Variants in KCNH6 observed in about 807,000 individuals in gnomAD.
The protein encoded by KCNH6 is potassium voltage-gated channel subfamily H member 6.
KCNH6 carries 81 observed loss-of-function variants against 83.4 expected under a neutral mutation model. The observed-to-expected ratio is 0.97, with a 90% CI of 0.81 to 1.17. The LOEUF is 1.17. Ranked by LOEUF, KCNH6 falls within the 50% of genes most tolerant of loss-of-function variation. The probability of loss-of-function intolerance (pLI) is 0.00; values close to 1 mark genes in which losing one functional copy is unlikely to be tolerated. For synonymous variants in KCNH6, 503 were observed against 545.6 expected, an observed-to-expected ratio of 0.92 and a Z score of 1.09; for missense variants, 1,203 against 1,290.5, an observed-to-expected ratio of 0.93 and a Z score of 1.04.
intron 9 of KCNH6, 151 bp downstream of exon 9, chr17:63,542,585 G>C (rs1271597318): frequency 1.5e-6 from 1 of 677,540 alleles, no homozygotes; most frequent in Non-Finnish European, 2.5e-6. Context: ...CTGGCGTCAT[G>C]CTAAGTATGA....
At chr17:63,524,983 A>T (rs2031609815) in intron 2 of KCNH6, among the ~76,000 whole-genome samples, 2 of 151,724 alleles carry the variant, frequency 1.3e-5, no homozygotes, top group African/African-American at 2.4e-5. Context: ...ATCCTCCCCC[A>T]CCCCCCAGGA....
rs776555763 is a variant in KCNH6, at chr17:63,536,015, C to T, written c.1448C>T (p.Ser483Leu). 1.1e-5 allele frequency: 17 copies of T among 1,613,744 alleles called. No individual in the cohort carries two copies. Among genetic ancestry groups the T allele is most frequent in the Non-Finnish European group, 1.4e-5 (17 of 1,180,052 alleles). Reference protein sequence around the residue: ...SLTSVGFGNVSPNTNSEKVFS... With the variant: ...SLTSVGFGNVLPNTNSEKVFS... ...ACCAGCGTGGGCTTCGGCAATGTCT[C>T]GCCCAACACCAACTCCGAGAAGGTC... The change falls in exon 6 of 13, where the codon TCG becomes TTG. Residue 483 changes from serine (S) to leucine (L), a missense_variant. Coordinates refer to ENST00000314672, the MANE Select transcript of KCNH6 (RefSeq NM_001278919.2).
intron 4 of KCNH6, among the ~76,000 whole-genome samples, chr17:63,531,435 C>T (rs2032103826): frequency 6.6e-6 from 1 of 152,246 alleles, no homozygotes; most frequent in Non-Finnish European, 1.5e-5. Flanking sequence ...AGCCAGGGGC[C>T]CAGGCCAAGG....
chr17:63,530,668 A>G (rs1370245342), intron 4 of KCNH6, 126 bp downstream of exon 4: 1 of 820,266 alleles, frequency 1.2e-6, no homozygotes, highest in Non-Finnish European at 1.9e-6. Flanking sequence ...AGCCTCTAAT[A>G]TCTGGTTTGA....
intron 4 of KCNH6, 37 bp downstream of exon 4, chr17:63,530,579 C>T (rs2032040303): frequency 1.3e-6 from 2 of 1,593,294 alleles, no homozygotes; most frequent in Non-Finnish European, 1.7e-6. Flanking sequence ...AGAGCTGTGC[C>T]AGGCCTCCAG....
At chr17:63,540,080 A>C (rs1057379917) in intron 8 of KCNH6, among the ~76,000 whole-genome samples, 1 of 152,210 alleles carries the variant, frequency 6.6e-6, no homozygotes, top group Admixed American at 6.5e-5. Context: ...TTGTCCTCCA[A>C]GGCTGGGCTT....
Position 63,545,931 on chromosome 17 carries a change from C to G in KCNH6, c.*29C>G. 6.2e-7 allele frequency: 1 copy of G among 1,604,490 alleles called. No homozygotes were observed. Among genetic ancestry groups the G allele is most frequent in the Non-Finnish European group, 8.5e-7 (1 of 1,173,832 alleles). On this transcript the variant is annotated 3_prime_UTR_variant, in exon 13 of 13. Coordinates refer to ENST00000314672, the MANE Select transcript of KCNH6 (RefSeq NM_001278919.2). ...CCAAGATAAAGACACCATGAGGGGA[C>G]TGAAGGTGGGCAAGGTGAGAGTTAA... is the stretch of plus-strand genomic sequence containing the variant.
At position 63,538,188 on chromosome 17, in the gene KCNH6, C is replaced by G. The variant is rs953292924; in HGVS notation, c.1625C>G (p.Pro542Arg). 3.7e-6 allele frequency: 6 copies of G among 1,614,214 alleles called. No individual in the cohort carries two copies. Among genetic ancestry groups the G allele is most frequent in the Non-Finnish European group, 5.1e-6 (6 of 1,180,000 alleles). Residue 542 changes from proline to arginine, a missense_variant, in exon 7 of 13, where the codon CCC (proline) becomes CGC (arginine). Pro to Arg is a moderately radical substitution (Grantham distance 103). Coordinates refer to ENST00000314672, the MANE Select transcript of KCNH6 (RefSeq NM_001278919.2). The surrounding 1 kb of genome is among the most constrained non-coding windows in gnomAD (Gnocchi z 4.0). ...VKEFIRFHQI[P>R]NPLRQRLEEY... is the part of the protein sequence containing the mutation. ...GAGTTCATCCGCTTCCACCAGATCC[C>G]CAACCCACTGCGCCAGCGCCTGGAG... is the stretch of plus-strand genomic sequence containing the variant.
chr17:63,538,559 T>C lies in KCNH6; in HGVS notation c.1851T>C (p.Pro617=), dbSNP rs544165444. The C allele has an allele frequency of 3.3e-5, 54 of 1,612,660 alleles. No individual in the cohort carries two copies. The East Asian group carries it at 1.1e-3, about 34-fold the overall frequency. Residue 617 remains proline (P), a synonymous_variant, in exon 8 of 13, where the codon CCT becomes CCC. Coordinates refer to ENST00000314672, the MANE Select transcript of KCNH6 (RefSeq NM_001278919.2). The surrounding 1 kb of genome is among the most constrained non-coding windows in gnomAD (Gnocchi z 4.0). The stretch of plus-strand genomic sequence containing the variant: ...AGTTCAAGACCACCCACGCGCCGCC[T>C]GGGGACACGCTGGTGCACCTCGGCG... The part of the protein sequence containing the change: ...AVKFKTTHAP[P]GDTLVHLGDV...
rs766376817 is a variant in KCNH6, at chr17:63,544,314, C to A, written c.2299C>A (p.Pro767Thr). 1 of 1,611,732 alleles carries A rather than the reference C, an allele frequency of 6.2e-7. No individual in the cohort carries two copies. Reference sequence around the variant, plus strand: ...CTGGCCTGAGCTACTGCAGGAAATGCCCCCAAGGCACAGCCCCCAAAGCCC... The same window carrying A: ...CTGGCCTGAGCTACTGCAGGAAATGACCCCAAGGCACAGCCCCCAAAGCCC... Reference protein sequence around the residue: ...GLWPELLQEMPPRHSPQSPQE... With the variant: ...GLWPELLQEMTPRHSPQSPQE... The change falls in exon 11 of 13, where the codon CCC becomes ACC. Residue 767 changes from proline (P) to threonine (T), a missense_variant. Physicochemically the swap from Pro to Thr is conservative, Grantham distance 38. Coordinates refer to ENST00000314672, the MANE Select transcript of KCNH6 (RefSeq NM_001278919.2).
chr17:63,540,390 C>G (rs2032788248), intron 8 of KCNH6, among the ~76,000 whole-genome samples: 1 of 151,866 alleles, frequency 6.6e-6, no homozygotes, highest in Non-Finnish European at 1.5e-5. Flanking sequence ...CAAGATCACG[C>G]CACTGTACTC....
At chr17:63,543,964 C>T in intron 10 of KCNH6, 2 of 1,082,446 alleles carry the variant, frequency 1.8e-6, no homozygotes, top group Non-Finnish European at 2.6e-6. Context: ...CACTGGGCTG[C>T]AGCTCCCTGG....
In KCNH6 at chr17:63,538,702, G is replaced by C. The variant is rs749875101; in HGVS notation, c.1954+40G>C. 2 of 1,526,134 alleles carry C rather than the reference G, an allele frequency of 1.3e-6. No individual in the cohort carries two copies. The highest frequency in any genetic ancestry group is 1.8e-6 in the Non-Finnish European group (2 of 1,133,636). The allele number at this position is 1,526,134 out of a possible 1,614,324, so 94.5% of individuals were successfully genotyped here. A position where few individuals can be genotyped will look rare whatever the true frequency, so the allele number is the denominator to read the frequency against. On this transcript the variant is annotated intron_variant, in intron 8 of 12. Transcript: ENST00000314672. The surrounding 1 kb of genome is among the most constrained non-coding windows in gnomAD (Gnocchi z 4.0). ...GTGGACCAGGCCTGTGTTGGGGATT[G>C]GATGGAAGAGGGCGGGATTGGAGAT...
chr17:63,538,563 G>T lies in KCNH6; in HGVS notation c.1855G>T (p.Asp619Tyr). The change falls in exon 8 of 13, where the codon GAC becomes TAC. Residue 619 changes from aspartate (D) to tyrosine (Y), a missense_variant. Coordinates refer to ENST00000314672, the MANE Select transcript of KCNH6 (RefSeq NM_001278919.2). The surrounding 1 kb of genome is among the most constrained non-coding windows in gnomAD (Gnocchi z 4.0). ...KFKTTHAPPG[D>Y]TLVHLGDVLS... ...CAAGACCACCCACGCGCCGCCTGGG[G>T]ACACGCTGGTGCACCTCGGCGACGT... is the stretch of plus-strand genomic sequence containing the variant. 2 of 1,612,806 alleles carry T rather than the reference G, an allele frequency of 1.2e-6. No homozygotes were observed. Among genetic ancestry groups the T allele is most frequent in the Non-Finnish European group, 8.5e-7 (1 of 1,179,606 alleles).
intron 8 of KCNH6, among the ~76,000 whole-genome samples, chr17:63,540,991 C>G (rs2032825600): frequency 6.6e-6 from 1 of 152,212 alleles, no homozygotes; most frequent in Non-Finnish European, 1.5e-5. Flanking sequence ...CCAGCCACCC[C>G]TGGCAGGAGG....
chr17:63,524,857 C>T (rs557748206), intron 2 of KCNH6, among the ~76,000 whole-genome samples: 10 of 152,302 alleles, frequency 6.6e-5, no homozygotes, highest in African/African-American at 2.4e-4. Flanking sequence ...GGAGTTTTCC[C>T]TGACCAAGAA....
chr17:63,524,031 C>T (rs1001671509), intron 1 of KCNH6, 108 bp from the exon 2 acceptor site: 1 of 788,614 alleles, frequency 1.3e-6, no homozygotes, highest in South Asian at 1.5e-5. Flanking sequence ...CTGCCCTGCT[C>T]CTCTGCCTAA....
At chr17:63,525,807 A>G (rs1444632031) in intron 2 of KCNH6, among the ~76,000 whole-genome samples, 4 of 152,178 alleles carry the variant, frequency 2.6e-5, no homozygotes, top group Non-Finnish European at 5.9e-5. Flanking sequence ...TGAACTCAGA[A>G]TATTTTTAAA....
intron 6 of KCNH6, 103 bp from the exon 7 acceptor site, chr17:63,537,962 G>T (rs972952881): frequency 1.3e-5 from 15 of 1,137,380 alleles, no homozygotes; most frequent in Admixed American, 2.0e-5. Context: ...GGACAGAGGG[G>T]TCCTTCACCA....
Sources: allele counts gnomAD v4.1 joint callset (sites outside exome capture counted in the v4.1 genomes callset), GRCh38; gene constraint gnomAD v4.1.1; non-coding constraint Gnocchi (gnomAD v3.1); transcripts MANE v1.5; gene names NCBI Gene and HGNC (gene_info 2026-07-23, HGNC 2026-07-21).